The following CCDC60 variants were observed in gnomAD, a reference collection of about 807,000 sequenced individuals.
The protein encoded by CCDC60 is coiled-coil domain-containing protein 60.
CCDC60 carries 54 observed loss-of-function variants against 63.5 expected under a neutral mutation model. The ratio of observed to expected loss-of-function variants is 0.85; its 90% confidence interval spans 0.68 to 1.07. The LOEUF (loss-of-function observed/expected upper bound fraction) is 1.07, where lower values mean the gene tolerates loss of function less well. Ranked by LOEUF, CCDC60 falls within the 50% of genes least tolerant of loss-of-function variation. The pLI, the probability that CCDC60 is intolerant of heterozygous loss-of-function variation, is 0.00. For missense variants in CCDC60, 651 were observed against 684.3 expected (o/e 0.95, Z 0.54); for synonymous variants, 206 against 238.8 (o/e 0.86, Z 1.27).
chr12:119,439,555 C>CAGAGA (rs1027090574), intron 2 of CCDC60, among the ~76,000 whole-genome samples: 3 of 152,142 alleles, frequency 2.0e-5, no homozygotes, highest in African/African-American at 7.2e-5. Context: ...AAGTCATGAA[C>CAGAGA]AGAGAGAGCC....
chr12:119,360,467 C>G (rs1049288612), intron 1 of CCDC60, among the ~76,000 whole-genome samples: 18 of 150,896 alleles, frequency 1.2e-4, no homozygotes, highest in Non-Finnish European at 2.2e-4. Context: ...GGGTGGCTGC[C>G]GGGCGGAGAG....
chr12:119,397,732 G>A (rs1487346656), intron 1 of CCDC60, among the ~76,000 whole-genome samples: 1 of 102,250 alleles, frequency 9.8e-6, no homozygotes, highest in Admixed American at 1.1e-4. Context: ...CAGCCCTTGG[G>A]CGGTCAATGG....
intron 7 of CCDC60, among the ~76,000 whole-genome samples, chr12:119,515,013 C>G (rs997298662): frequency 6.6e-6 from 1 of 152,158 alleles, no homozygotes; most frequent in Non-Finnish European, 1.5e-5. Context: ...GAAAAATAAG[C>G]TGTATATACC....
chr12:119,430,324 A>G (rs1163729942), intron 2 of CCDC60, among the ~76,000 whole-genome samples: 1 of 152,160 alleles, frequency 6.6e-6, no homozygotes, highest in African/African-American at 2.4e-5. Flanking sequence ...CCTTAATCCA[A>G]TGTGATTGGT....
chr12:119,488,450 T>G (rs1951508501), intron 4 of CCDC60, among the ~76,000 whole-genome samples: 1 of 152,200 alleles, frequency 6.6e-6, no homozygotes, highest in Admixed American at 6.5e-5. Context: ...TATATACAAA[T>G]TCTCAGTAAC....
intron 5 of CCDC60, among the ~76,000 whole-genome samples, chr12:119,498,884 C>T (rs1309106968): frequency 6.6e-6 from 1 of 152,130 alleles, no homozygotes; most frequent in East Asian, 1.9e-4. Flanking sequence ...GACCCACTTC[C>T]CCATAGCCAC....
intron 9 of CCDC60, 104 bp from the exon 10 acceptor site, chr12:119,522,835 C>A: frequency 1.0e-6 from 1 of 971,518 alleles, no homozygotes; most frequent in South Asian, 1.3e-5. Context: ...AACCACCTCC[C>A]ATGCCTGAAT....
intron 1 of CCDC60, among the ~76,000 whole-genome samples, chr12:119,360,214 G>C (rs1236472487): frequency 0.013 from 1,868 of 149,368 alleles, 28 homozygotes; most frequent in African/African-American, 0.044. Flanking sequence ...GGGCAGAGGG[G>C]CTCCTCACTT....
intron 2 of CCDC60, among the ~76,000 whole-genome samples, chr12:119,452,619 C>T (rs1391255230): frequency 6.6e-6 from 1 of 152,186 alleles, no homozygotes; most frequent in Non-Finnish European, 1.5e-5. Flanking sequence ...CAAAAGCTTT[C>T]TCACAGTTAC....
intron 8 of CCDC60, among the ~76,000 whole-genome samples, chr12:119,518,266 G>C (rs1365450863): frequency 1.3e-5 from 2 of 152,162 alleles, no homozygotes; most frequent in African/African-American, 2.4e-5. Context: ...TCCTTCCTTT[G>C]TAAGAACCCA....
intron 1 of CCDC60, among the ~76,000 whole-genome samples, chr12:119,338,169 A>G (rs935298281): frequency 2.0e-5 from 3 of 152,188 alleles, no homozygotes; most frequent in Non-Finnish European, 4.4e-5. Context: ...TCAAAAGATC[A>G]TGCCCTTAGG....
intron 1 of CCDC60, among the ~76,000 whole-genome samples, chr12:119,399,283 C>T (rs1956344322): frequency 6.6e-6 from 1 of 152,148 alleles, no homozygotes; most frequent in African/African-American, 2.4e-5. Flanking sequence ...AGGAGATGCA[C>T]CCAGGACCCA....
intron 1 of CCDC60, among the ~76,000 whole-genome samples, chr12:119,424,763 A>C (rs933344800): frequency 5.3e-5 from 8 of 152,250 alleles, no homozygotes; most frequent in African/African-American, 1.7e-4. Flanking sequence ...AATTAAACAA[A>C]ACTATAATTA....
rs772252087 is a variant in CCDC60 at position 119,387,032 on chromosome 12, T to TCACA, written c.91-41650_91-41649insACAC. On this transcript the variant is annotated intron_variant, in intron 1 of 13. Coordinates refer to ENST00000327554, the MANE Select transcript of CCDC60 (RefSeq NM_178499.5). ...CTCTCCCTCCCTCCCCCTCTGTCTC[T>TCACA]CTCACACACACACACACACACACAC... Among the ~76,000 whole-genome samples the TCACA allele has an allele frequency of 1.5e-3, 175 of 120,254 alleles. 1 individual carries two copies. The highest frequency in any genetic ancestry group is 0.012 in the East Asian group (28 of 2,370). 78.9% of individuals were successfully genotyped at this position (120,254 alleles called of 152,430 possible).
intron 4 of CCDC60, among the ~76,000 whole-genome samples, chr12:119,482,434 C>T (rs1181632494): frequency 1.3e-5 from 2 of 152,078 alleles, no homozygotes; most frequent in South Asian, 4.1e-4. Context: ...AAATTTTAGG[C>T]TTTGCTGACC....
At position 119,500,076 on chromosome 12, in the gene CCDC60, A is replaced by C; in HGVS notation, c.558-2A>C. ...AAACTCATTAAGCTGTTTCTCACTC[A>C]GGGACCCGGGTGGAAGCAAGAGCAC... On this transcript the variant is annotated splice_acceptor_variant, in intron 5 of 13. Transcript: ENST00000327554. LOFTEE classifies it high-confidence loss of function. The C allele has an allele frequency of 6.2e-7, 1 of 1,607,336 alleles. No homozygotes were observed. The highest frequency in any genetic ancestry group is 8.5e-7 in the Non-Finnish European group (1 of 1,174,074).
chr12:119,536,342 T>C (rs189828373), intron 13 of CCDC60, among the ~76,000 whole-genome samples: 2 of 152,286 alleles, frequency 1.3e-5, no homozygotes, highest in African/African-American at 4.8e-5. Flanking sequence ...GAATACAGCA[T>C]AGTGATGGAT....
chr12:119,469,534 A>T (rs111303983), intron 2 of CCDC60, among the ~76,000 whole-genome samples: 162 of 152,298 alleles, frequency 1.1e-3, no homozygotes, highest in African/African-American at 3.8e-3. Flanking sequence ...TGCTGAGATT[A>T]TAGGCATGAA....
chr12:119,439,045 C>T (rs1354569040), intron 2 of CCDC60, among the ~76,000 whole-genome samples: 11 of 149,118 alleles, frequency 7.4e-5, no homozygotes, highest in African/African-American at 2.5e-4. Flanking sequence ...GCTCTCCAGG[C>T]TTCCATGGTC....
Sources: gnomAD v4.1 joint callset for allele counts (sites outside exome capture counted in the v4.1 genomes callset) on GRCh38, gnomAD v4.1.1 for gene constraint, MANE v1.5 for transcripts, NCBI Gene and HGNC (gene_info 2026-07-23, HGNC 2026-07-21) for gene names.